The following PDCD7 variants were observed in gnomAD, a reference collection of about 807,000 sequenced individuals.
PDCD7 encodes the protein programmed cell death protein 7.
PDCD7 carries 40 observed loss-of-function variants against 42.1 expected under a neutral mutation model. The observed-to-expected ratio is 0.95, with a 90% CI of 0.74 to 1.24. The LOEUF (loss-of-function observed/expected upper bound fraction) is 1.24. Among genes scored for constraint, PDCD7 ranks in the 50% most tolerant of loss-of-function variants. The pLI, the probability that PDCD7 is intolerant of heterozygous loss-of-function variation, is 0.00. For synonymous variants in PDCD7, 299 were observed against 303.3 expected (o/e 0.99, Z 0.15); for missense variants, 644 against 662.8 (o/e 0.97, Z 0.31).
At position 65,119,745 on chromosome 15, in the gene PDCD7, T is replaced by G. The variant is rs763388871; in HGVS notation, c.1219A>C (p.Ile407Leu). ...KEKILLQKRE[I>L]ESKLFGDPDE... ...GGATCCCCAAACAACTTGGACTCAATTTCACGTTTCTGAAGTAAAATTTTC... is the reference window on the plus strand; with the variant it reads ...GGATCCCCAAACAACTTGGACTCAAGTTCACGTTTCTGAAGTAAAATTTTC... The change falls in exon 3 of 5, where the codon ATT becomes CTT. Residue 407 changes from isoleucine (I) to leucine (L), a missense_variant. Transcript: ENST00000204549. 1 of 1,611,860 alleles carries G rather than the reference T, an allele frequency of 6.2e-7. No individual in the cohort carries two copies. The highest frequency in any genetic ancestry group is 1.3e-5 in the African/African-American group (1 of 74,594).
At chr15:65,128,678 C>T (rs1435654736) in intron 2 of PDCD7, among the ~76,000 whole-genome samples, 2 of 152,162 alleles carry the variant, frequency 1.3e-5, no homozygotes, top group Admixed American at 6.5e-5. Flanking sequence ...TCTGGAGCAA[C>T]AAGTAAGGGT....
chr15:65,123,804 A>T (rs1474566783), intron 2 of PDCD7, among the ~76,000 whole-genome samples: 1 of 152,232 alleles, frequency 6.6e-6, no homozygotes, highest in African/African-American at 2.4e-5. Context: ...TCTTCTACTA[A>T]GTTGCCAGGC....
intron 2 of PDCD7, 79 bp from the exon 3 acceptor site, chr15:65,120,033 T>A: frequency 6.9e-7 from 1 of 1,448,616 alleles, no homozygotes; most frequent in Non-Finnish European, 9.3e-7. Context: ...CAGGCTGGAG[T>A]ACAGTGGTGT....
chr15:65,118,946 A>C (rs139521859), intron 4 of PDCD7, 106 bp from the exon 5 acceptor site: 3 of 712,296 alleles, frequency 4.2e-6, no homozygotes, highest in African/African-American at 3.7e-5. Context: ...CTGATATACT[A>C]ATCTATTACA....
Position 65,133,625 on chromosome 15 carries a change from C to T in PDCD7, c.157G>A (p.Ala53Thr), listed in dbSNP as rs773866686. ...QRPGPFPGASAPFLQPPLALQ... is the reference protein window; with the variant it reads ...QRPGPFPGASTPFLQPPLALQ... ...GCCAGCGGAGGCTGAAGGAAGGGGG[C>T]GGAGGCCCCCGGAAAAGGGCCGGGC... The change falls in exon 1 of 5, where the codon GCC becomes ACC. Residue 53 changes from alanine to threonine, a missense_variant. Physicochemically the swap from Ala to Thr is moderately conservative, Grantham distance 58 (BLOSUM62 0). Transcript: ENST00000204549. 2.8e-5 allele frequency: 35 copies of T among 1,249,438 alleles called. No homozygotes were observed. The highest frequency in any genetic ancestry group is 7.8e-5 in the African/African-American group (5 of 64,392). 77.4% of individuals were successfully genotyped at this position (1,249,438 alleles called of 1,614,324 possible). A position where few individuals can be genotyped will look rare whatever the true frequency, so the allele number is the denominator to read the frequency against.
At chr15:65,127,312 C>G (rs1313472886) in intron 2 of PDCD7, among the ~76,000 whole-genome samples, 2 of 151,942 alleles carry the variant, frequency 1.3e-5, no homozygotes, top group Non-Finnish European at 2.9e-5. Context: ...AAAAAATTAG[C>G]CGGGCGCGGT....
At chr15:65,125,949 C>T (rs559969220) in intron 2 of PDCD7, among the ~76,000 whole-genome samples, 4 of 152,276 alleles carry the variant, frequency 2.6e-5, no homozygotes, top group Non-Finnish European at 5.9e-5. Context: ...GTAAAGAGGG[C>T]GTGTGCAAGG....
intron 1 of PDCD7, among the ~76,000 whole-genome samples, 189 bp from the exon 2 acceptor site, chr15:65,129,359 G>A (rs1363452640): frequency 1.3e-5 from 2 of 152,200 alleles, no homozygotes; most frequent in Non-Finnish European, 2.9e-5. Flanking sequence ...CCCCTCCACT[G>A]ATGGTACAAC....
At chr15:65,123,432 C>CA (rs1255255279) in intron 2 of PDCD7, among the ~76,000 whole-genome samples, 20 of 152,186 alleles carry the variant, frequency 1.3e-4, no homozygotes, top group Non-Finnish European at 2.8e-4. Context: ...ATGATCCTCC[C>CA]ACCTCGGCCT....
Position 65,125,948 on chromosome 15 carries a change from G to C in PDCD7, c.1009+3084C>G, listed in dbSNP as rs532720004. Among the ~76,000 whole-genome samples the C allele has an allele frequency of 2.9e-4, 44 of 152,340 alleles. No individual in the cohort carries two copies. The South Asian group carries it at 9.1e-3, about 32-fold the overall frequency. On this transcript the variant is annotated intron_variant, in intron 2 of 4. Transcript: ENST00000204549. Reference sequence around the variant, plus strand: ...TCTTACATGGTGACAGGTAAAGAGGGCGTGTGCAAGGAAACTCTCCTTTAT... The same window carrying C: ...TCTTACATGGTGACAGGTAAAGAGGCCGTGTGCAAGGAAACTCTCCTTTAT...
intron 2 of PDCD7, among the ~76,000 whole-genome samples, chr15:65,124,115 T>C (rs2087477496): frequency 6.6e-6 from 1 of 152,024 alleles, no homozygotes; most frequent in South Asian, 2.1e-4. Context: ...CAATGTAACA[T>C]ATTCCCTCAG....
rs1248704824 is a variant in PDCD7 at position 65,118,576 on chromosome 15, A to T, written c.*141T>A. The T allele has an allele frequency of 1.2e-6, 1 of 842,106 alleles. No individual in the cohort carries two copies. Among genetic ancestry groups the T allele is most frequent in the Non-Finnish European group, 1.7e-6 (1 of 581,680 alleles). The allele number at this position is 842,106 out of a possible 1,614,324, so 52.2% of individuals were successfully genotyped here. ...CACCTCTGGCCAGCACAGAGCACAGAAGGAAAGCATAACTTCAGGGTAGGG... is the reference window on the plus strand; with the variant it reads ...CACCTCTGGCCAGCACAGAGCACAGTAGGAAAGCATAACTTCAGGGTAGGG... On this transcript the variant is annotated 3_prime_UTR_variant, in exon 5 of 5. Transcript: ENST00000204549.
In PDCD7 at chr15:65,118,752, T is replaced by G. The variant is rs373191821; in HGVS notation, c.1423A>C (p.Asn475His). Residue 475 changes from asparagine to histidine, a missense_variant, in exon 5 of 5, where the codon AAC becomes CAC. Coordinates refer to ENST00000204549, the MANE Select transcript of PDCD7 (RefSeq NM_005707.2). ...QGWVLPPLPS[N>H]DIWATAVKLH Reference sequence around the variant, plus strand: ...TTAACAGCAGTTGCCCAGATGTCGTTGCTGGGGAGCGGGGGAAGGACCCAT... The same window carrying G: ...TTAACAGCAGTTGCCCAGATGTCGTGGCTGGGGAGCGGGGGAAGGACCCAT... 1 of 1,609,698 alleles carries G rather than the reference T, an allele frequency of 6.2e-7. No individual in the cohort carries two copies. Among genetic ancestry groups the G allele is most frequent in the Admixed American group, 1.7e-5 (1 of 59,440 alleles).
At chr15:65,124,056 G>A (rs2140580999) in intron 2 of PDCD7, among the ~76,000 whole-genome samples, 1 of 152,190 alleles carries the variant, frequency 6.6e-6, no homozygotes, top group African/African-American at 2.4e-5. Flanking sequence ...TGCTGAGCCT[G>A]GGCCACCAAC....
At chr15:65,121,150 C>T (rs746100026) in intron 2 of PDCD7, among the ~76,000 whole-genome samples, 69 of 151,552 alleles carry the variant, frequency 4.6e-4, no homozygotes, top group Admixed American at 9.9e-4. Flanking sequence ...CCACGCATCC[C>T]GGGTTCAAGC....
rs2087560710 is a variant in PDCD7 at position 65,133,435 on chromosome 15, G to A, written c.347C>T (p.Pro116Leu). 17 of 1,187,534 alleles carry A rather than the reference G, an allele frequency of 1.4e-5. No homozygotes were observed. The South Asian group carries it at 6.2e-4, about 44-fold the overall frequency. The allele number at this position is 1,187,534 out of a possible 1,614,324, so 73.6% of individuals were successfully genotyped here. A position where few individuals can be genotyped will look rare whatever the true frequency, so the allele number is the denominator to read the frequency against. Residue 116 changes from proline to leucine, a missense_variant, in exon 1 of 5, where the codon CCG (proline) becomes CTG (leucine). Coordinates refer to ENST00000204549, the MANE Select transcript of PDCD7 (RefSeq NM_005707.2). ...RPRPPPPGPG[P>L]PWSPRWPEAP... ...CTCAGGCCACCGCGGGCTCCAGGGCGGCCCCGGGCCGGGAGGCGGTGGCCG... is the reference window on the plus strand; with the variant it reads ...CTCAGGCCACCGCGGGCTCCAGGGCAGCCCCGGGCCGGGAGGCGGTGGCCG...
rs1413790908 is a variant in PDCD7 at position 65,118,619 on chromosome 15, T to C, written c.*98A>G. 1 of 1,270,494 alleles carries C rather than the reference T, an allele frequency of 7.9e-7. No individual in the cohort carries two copies. The highest frequency in any genetic ancestry group is 1.1e-6 in the Non-Finnish European group (1 of 937,450). 78.7% of individuals were successfully genotyped at this position (1,270,494 alleles called of 1,614,324 possible). ...GGGTAGGGGAATGCCACATGGAATT[T>C]AGAAGTTGCAGTTTAGTCTACAGCA... is the stretch of plus-strand genomic sequence containing the variant. On this transcript the variant is annotated 3_prime_UTR_variant, in exon 5 of 5. Transcript: ENST00000204549.
intron 2 of PDCD7, among the ~76,000 whole-genome samples, chr15:65,120,379 C>T (rs2087443772): frequency 6.6e-6 from 1 of 151,968 alleles, no homozygotes; most frequent in African/African-American, 2.4e-5. Context: ...GTCTTAAACT[C>T]CTGGTCAAGC....
At chr15:65,123,477 T>G (rs570202017) in intron 2 of PDCD7, among the ~76,000 whole-genome samples, 1 of 152,220 alleles carries the variant, frequency 6.6e-6, no homozygotes, top group African/African-American at 2.4e-5. Flanking sequence ...TGAGCCACCA[T>G]GCCCGGCCCT....
Sources: gnomAD v4.1 joint callset for allele counts (sites outside exome capture counted in the v4.1 genomes callset) on GRCh38, gnomAD v4.1.1 for gene constraint, MANE v1.5 for transcripts, NCBI Gene and HGNC (gene_info 2026-07-23, HGNC 2026-07-21) for gene names.